UQCRC1: variants seen among roughly 807,000 people sequenced by gnomAD.
UQCRC1 encodes ubiquinol-cytochrome c reductase core protein 1.
Under a neutral mutation model 58.0 loss-of-function variants are expected in UQCRC1, and 34 were observed. The observed-to-expected ratio is 0.59, with a 90% CI of 0.45 to 0.78. The LOEUF (loss-of-function observed/expected upper bound fraction) is 0.78. UQCRC1 is among the 30% of genes least tolerant of loss of function. The pLI is 0.00. For synonymous variants in UQCRC1, 276 were observed against 248.8 expected, an observed-to-expected ratio of 1.11 and a Z score of -1.03; for missense variants, 610 against 646.0, an observed-to-expected ratio of 0.94 and a Z score of 0.60.
At chr3:48,600,446 G>A in intron 10 of UQCRC1, 36 bp downstream of exon 10, 1 of 1,611,570 alleles carries the variant, frequency 6.2e-7, no homozygotes, top group Non-Finnish European at 8.5e-7. Context: ...CTGGCAAGAT[G>A]TACTCTACCC....
chr3:48,608,188 C>T (rs979483377), intron 2 of UQCRC1, among the ~76,000 whole-genome samples: 10 of 152,220 alleles, frequency 6.6e-5, no homozygotes, highest in Non-Finnish European at 2.9e-5. Flanking sequence ...TCATTCCACT[C>T]TCTACATCTG....
chr3:48,600,916 A>C, intron 8 of UQCRC1, 59 bp downstream of exon 8: 1 of 1,607,868 alleles, frequency 6.2e-7, no homozygotes, highest in Non-Finnish European at 8.5e-7. Flanking sequence ...ACAGGAGCAC[A>C]CAGCCCCAGC....
At chr3:48,600,929 C>G in intron 8 of UQCRC1, 46 bp downstream of exon 8, 1 of 1,602,854 alleles carries the variant, frequency 6.2e-7, no homozygotes, top group Non-Finnish European at 8.5e-7. Flanking sequence ...GCCCCAGCAC[C>G]CTCTCTTCCC....
At chr3:48,600,342 C>T in intron 10 of UQCRC1, 140 bp downstream of exon 10, 2 of 1,160,534 alleles carry the variant, frequency 1.7e-6, no homozygotes, top group Non-Finnish European at 2.5e-6. Context: ...CTGCCTGCAT[C>T]TCCAAGGGTG....
At chr3:48,609,366 C>T in intron 1 of UQCRC1, 64 bp from the exon 2 acceptor site, 2 of 1,562,588 alleles carry the variant, frequency 1.3e-6, no homozygotes, top group South Asian at 2.3e-5. Context: ...CTCCCAGGTC[C>T]TCAGGAGGAC....
At position 48,609,312 on chromosome 3, in the gene UQCRC1, G is replaced by A. The variant is rs2046442298; in HGVS notation, c.70-10C>T. 2 of 1,599,690 alleles carry A rather than the reference G, an allele frequency of 1.3e-6. No homozygotes were observed. Among genetic ancestry groups the A allele is most frequent in the African/African-American group, 1.3e-5 (1 of 74,676 alleles). On this transcript the variant is annotated splice_polypyrimidine_tract_variant and intron_variant, in intron 1 of 12. Coordinates refer to ENST00000203407, the MANE Select transcript of UQCRC1 (RefSeq NM_003365.3). Reference sequence around the variant, plus strand: ...TCCGCAGCAGGGCCGGCTGTGGAAGGGAACAGCCGCGAGTGAGGACTCGGT... The same window carrying A: ...TCCGCAGCAGGGCCGGCTGTGGAAGAGAACAGCCGCGAGTGAGGACTCGGT...
At chr3:48,605,626 C>T (rs757182967) in intron 3 of UQCRC1, 144 bp downstream of exon 3, 5 of 786,794 alleles carry the variant, frequency 6.4e-6, no homozygotes, top group Non-Finnish European at 1.0e-5. Flanking sequence ...AGAGGTTAAG[C>T]TCATGTGGCT....
chr3:48,609,390 C>T (rs2046444158), intron 1 of UQCRC1, 88 bp from the exon 2 acceptor site: 31 of 1,532,772 alleles, frequency 2.0e-5, no homozygotes, highest in Non-Finnish European at 2.6e-5. Flanking sequence ...CGAACCCCGC[C>T]CCTAGGCAAG....
rs1400475437 is a variant in UQCRC1, at chr3:48,601,046, G to C, written c.895C>G (p.Pro299Ala). ...GCCACTTGCAAGGCCACATTGTCCG[G>C]GCTGGCCCAGCCAGGACCCTCTACT... ...IAVEGPGWAS[P>A]DNVALQVANA... is the part of the protein sequence containing the mutation. The change falls in exon 8 of 13, where the codon CCG becomes GCG. Residue 299 changes from proline to alanine, a missense_variant. Pro to Ala is a conservative substitution (Grantham distance 27, BLOSUM62 -1). Transcript: ENST00000203407. The C allele has an allele frequency of 9.3e-6, 15 of 1,611,392 alleles. No homozygotes were observed. The highest frequency in any genetic ancestry group is 5.0e-5 in the Admixed American group (3 of 59,956).
At chr3:48,603,964 G>C (rs538194304) in intron 5 of UQCRC1, 2 of 586,452 alleles carry the variant, frequency 3.4e-6, no homozygotes, top group Non-Finnish European at 6.1e-6. Flanking sequence ...GGAGACAAGA[G>C]ACCACATGGA....
rs200612064 is a variant in UQCRC1, at chr3:48,609,261, G to T, written c.111C>A (p.Thr37=). 1.2e-6 allele frequency: 2 copies of T among 1,612,582 alleles called. No homozygotes were observed. Among genetic ancestry groups the T allele is most frequent in the South Asian group, 1.1e-5 (1 of 91,060 alleles). Reference sequence around the variant, plus strand: ...GCACGAACTGGAGCGCCTGAGCGAAGGTTGCCGTACTCCGCAAGGCTGGCG... The same window carrying T: ...GCACGAACTGGAGCGCCTGAGCGAATGTTGCCGTACTCCGCAAGGCTGGCG... The part of the protein sequence containing the change: ...LRTPALRSTA[T]FAQALQFVPE... Residue 37 remains threonine, a synonymous_variant, in exon 2 of 13, where the codon ACC becomes ACA. Transcript: ENST00000203407.
chr3:48,609,424 T>C (rs1412091453), intron 1 of UQCRC1, 122 bp from the exon 2 acceptor site: 2 of 1,507,930 alleles, frequency 1.3e-6, no homozygotes, highest in African/African-American at 2.8e-5. Context: ...TTCCCCGCCC[T>C]CCGCCGTGAC....
Position 48,599,120 on chromosome 3 carries a change from C to A in UQCRC1, c.*8G>T. The A allele has an allele frequency of 6.2e-7, 1 of 1,612,250 alleles. No homozygotes were observed. The highest frequency in any genetic ancestry group is 2.2e-5 in the East Asian group (1 of 44,816). ...GGCCCTGCCCTCTTGCTTACATAGG[C>A]TTCCCGCCTAGAAGCGCAGCCAGAA... On this transcript the variant is annotated 3_prime_UTR_variant, in exon 13 of 13. Transcript: ENST00000203407.
intron 2 of UQCRC1, 24 bp downstream of exon 2, chr3:48,609,138 T>TC (rs776158483): frequency 6.3e-7 from 1 of 1,584,562 alleles, no homozygotes; most frequent in East Asian, 2.3e-5. Flanking sequence ...GGAGGCCCTC[T>TC]CCCCAAAAGC....
At chr3:48,607,049 GT>G (rs1302489328) in intron 2 of UQCRC1, among the ~76,000 whole-genome samples, 13 of 145,326 alleles carry the variant, frequency 8.9e-5, no homozygotes, top group East Asian at 8.1e-4. Flanking sequence ...GTGTGTGTGT[GT>G]TTTTTTTTTG....
intron 11 of UQCRC1, 100 bp downstream of exon 11, chr3:48,599,963 G>T: frequency 7.0e-7 from 1 of 1,424,066 alleles, no homozygotes. Context: ...CACCAGGGAT[G>T]CCTATAGGAG....
At position 48,609,319 on chromosome 3, in the gene UQCRC1, C is replaced by G; in HGVS notation, c.70-17G>C. On this transcript the variant is annotated splice_polypyrimidine_tract_variant and intron_variant, in intron 1 of 12. Transcript: ENST00000203407. ...CAGGGCCGGCTGTGGAAGGGAACAG[C>G]CGCGAGTGAGGACTCGGTCAGGGGA... 6.3e-7 allele frequency: 1 copy of G among 1,595,596 alleles called. No homozygotes were observed. Among genetic ancestry groups the G allele is most frequent in the Non-Finnish European group, 8.6e-7 (1 of 1,168,742 alleles).
intron 4 of UQCRC1, 81 bp from the exon 5 acceptor site, chr3:48,604,512 C>G: frequency 6.3e-7 from 1 of 1,585,990 alleles, no homozygotes; most frequent in Non-Finnish European, 8.6e-7. Context: ...GGCCTGGCAT[C>G]TCCTGCTGCC....
Position 48,603,691 on chromosome 3 carries a change from G to A in UQCRC1, c.627-48C>T, listed in dbSNP as rs374455325. 29 of 1,562,984 alleles carry A rather than the reference G, an allele frequency of 1.9e-5. No individual in the cohort carries two copies. The African/African-American group carries it at 2.3e-4, about 12-fold the overall frequency. ...GTCAACACCTCTACCACACTGGAGT[G>A]AGTTGGGGTACATGCATGAATGGGA... is the stretch of plus-strand genomic sequence containing the variant. On this transcript the variant is annotated intron_variant, in intron 5 of 12. Coordinates refer to ENST00000203407, the MANE Select transcript of UQCRC1 (RefSeq NM_003365.3).
Sources: allele counts gnomAD v4.1 joint callset (sites outside exome capture counted in the v4.1 genomes callset), GRCh38; gene constraint gnomAD v4.1.1; transcripts MANE v1.5; gene names NCBI Gene and HGNC (gene_info 2026-07-23, HGNC 2026-07-21).